Variants in ELAVL4 observed in about 807,000 individuals in gnomAD.
The protein encoded by ELAVL4 is ELAV-like protein 4.
In ELAVL4, 1 loss-of-function variant was observed where a neutral mutation model predicts 35.6. That is an observed-to-expected ratio of 0.03 (90% CI 0.01 to 0.13). ELAVL4 has a LOEUF of 0.13. ELAVL4 is among the 10% of genes least tolerant of loss of function. The pLI, the probability that ELAVL4 is intolerant of heterozygous loss-of-function variation, is 1.00. For synonymous variants in ELAVL4, 156 were observed against 171.0 expected (o/e 0.91, Z 0.69); for missense variants, 267 against 464.9 (o/e 0.57, Z 3.91).
chr1:50,158,177 A>G (rs1676083496), intron 2 of ELAVL4, among the ~76,000 whole-genome samples: 2 of 152,220 alleles, frequency 1.3e-5, no homozygotes, highest in Non-Finnish European at 2.9e-5. Context: ...GGCATATAGT[A>G]ATATAATTCT....
chr1:50,181,045 C>T (rs548264982), intron 3 of ELAVL4: 1 of 152,220 alleles, frequency 6.6e-6, no homozygotes, highest in East Asian at 1.9e-4. Context: ...CTCCTTTATA[C>T]AGGTGAGGAA....
chr1:50,131,613 A>C (rs370827851), intron 1 of ELAVL4, among the ~76,000 whole-genome samples: 9 of 151,898 alleles, frequency 5.9e-5, no homozygotes, highest in African/African-American at 1.7e-4. Context: ...CATGGTGAAA[A>C]CCTGTCTCTA....
At chr1:50,190,568 T>C (rs1440320474) in intron 3 of ELAVL4, among the ~76,000 whole-genome samples, 1 of 152,224 alleles carries the variant, frequency 6.6e-6, no homozygotes, top group Non-Finnish European at 1.5e-5. Flanking sequence ...TAGAGAATGA[T>C]TGATGTGCTG....
At chr1:50,200,516 C>T (rs543932243) in intron 6 of ELAVL4, among the ~76,000 whole-genome samples, 31 of 133,406 alleles carry the variant, frequency 2.3e-4, no homozygotes, top group African/African-American at 6.9e-4. Flanking sequence ...GGGGTGGAGT[C>T]GGGGTGGGGT....
intron 1 of ELAVL4, among the ~76,000 whole-genome samples, chr1:50,088,893 G>C (rs1467491576): frequency 6.8e-6 from 1 of 147,632 alleles, no homozygotes; most frequent in Non-Finnish European, 1.5e-5. Flanking sequence ...GACTGCCAGG[G>C]TGTTTCAGAT....
intron 3 of ELAVL4, among the ~76,000 whole-genome samples, chr1:50,185,400 T>A (rs1447182643): frequency 2.0e-5 from 3 of 152,256 alleles, no homozygotes; most frequent in African/African-American, 4.8e-5. Context: ...CAAATTATAG[T>A]GTGATCTTTC....
intron 1 of ELAVL4, among the ~76,000 whole-genome samples, chr1:50,133,058 G>A (rs1004932831): frequency 6.6e-6 from 1 of 152,058 alleles, no homozygotes; most frequent in Non-Finnish European, 1.5e-5. Context: ...GCAGAATACT[G>A]TATCAAAAAA....
intron 5 of ELAVL4, 53 bp from the exon 6 acceptor site, chr1:50,197,376 G>A: frequency 6.5e-7 from 1 of 1,530,256 alleles, no homozygotes. Context: ...GTTCCATTGA[G>A]CGATCTTGCC....
intron 2 of ELAVL4, among the ~76,000 whole-genome samples, chr1:50,162,546 TAA>T: frequency 6.6e-6 from 1 of 152,314 alleles, no homozygotes; most frequent in Middle Eastern, 3.4e-3. Context: ...AAGGTAATTT[TAA>T]ATACTTTGGG....
chr1:50,125,500 C>G (rs1669752900), intron 1 of ELAVL4, among the ~76,000 whole-genome samples: 3 of 151,928 alleles, frequency 2.0e-5, no homozygotes, highest in Admixed American at 2.0e-4. Context: ...CTTGCCTGAC[C>G]TGCATGTGGT....
rs143885511 is a variant in ELAVL4, at chr1:50,159,482, G to C, written c.250+14285G>C. 3.2e-3 allele frequency among the ~76,000 whole-genome samples: 494 copies of C among 152,178 alleles called. 6 individuals are homozygous for C. The highest frequency in any genetic ancestry group is 0.011 in the African/African-American group (472 of 41,526). ...AAATTAGCTGGGCTTTGTGGTGGGT[G>C]CCTGTAATACCAGCTACTTGGGGGA... On this transcript the variant is annotated intron_variant, in intron 2 of 6. Coordinates refer to ENST00000371824, the MANE Select transcript of ELAVL4 (RefSeq NM_001144774.3).
At chr1:50,197,572 T>C (rs1196213194) in intron 6 of ELAVL4, 105 bp downstream of exon 6, 1 of 1,012,352 alleles carries the variant, frequency 9.9e-7, no homozygotes. Context: ...AAAAAATTCT[T>C]CCTTTTTCTT....
intron 2 of ELAVL4, among the ~76,000 whole-genome samples, chr1:50,169,395 A>T (rs970361151): frequency 1.3e-5 from 2 of 152,118 alleles, no homozygotes; most frequent in Non-Finnish European, 2.9e-5. Context: ...ATACCTATTT[A>T]AAAACCATCA....
rs554184118 is a variant in ELAVL4, at chr1:50,147,589, GGT to G, written c.250+2393_250+2394del. ...TCACAATGCAGGCTGGAAGAGGTGA[GGT>G]ATATCACACCAGGCAAGTGGAGAGG... On this transcript the variant is annotated intron_variant, in intron 2 of 6. Coordinates refer to ENST00000371824, the MANE Select transcript of ELAVL4 (RefSeq NM_001144774.3). 2.4e-4 allele frequency among the ~76,000 whole-genome samples: 37 copies of G among 152,246 alleles called. 1 individual carries two copies. The South Asian group carries it at 7.5e-3, about 31-fold the overall frequency.
At chr1:50,183,132 A>G (rs1681309288) in intron 3 of ELAVL4, among the ~76,000 whole-genome samples, 1 of 152,202 alleles carries the variant, frequency 6.6e-6, no homozygotes, top group Non-Finnish European at 1.5e-5. Context: ...TGCTGGGATT[A>G]CGGGTGTGAG....
Position 50,202,895 on chromosome 1 carries a change from CTTTAT to C in ELAVL4, c.*1722_*1726del, listed in dbSNP as rs1203633550. On this transcript the variant is annotated 3_prime_UTR_variant, in exon 7 of 7. Transcript: ENST00000371824. ...AGTAGAAAAATAAAAACAACTGAGT[CTTTAT>C]TTTAATGTAACTCAGATTGGGGAAA... 2.0e-5 allele frequency: 3 copies of C among 152,060 alleles called. No homozygotes were observed. Among genetic ancestry groups the C allele is most frequent in the Admixed American group, 2.0e-4 (3 of 15,262 alleles). 9.4% of individuals were successfully genotyped at this position (152,060 alleles called of 1,614,324 possible).
At chr1:50,081,501 C>T (rs1665003953) in intron 1 of ELAVL4, among the ~76,000 whole-genome samples, 1 of 152,198 alleles carries the variant, frequency 6.6e-6, no homozygotes, top group African/African-American at 2.4e-5. Flanking sequence ...GATTTCTGAG[C>T]CATTCATCCA....
rs77927751 is a variant in ELAVL4 at position 50,072,425 on chromosome 1, G to A, written c.18+24243G>A. 2.8e-3 allele frequency among the ~76,000 whole-genome samples: 433 copies of A among 152,282 alleles called. 1 individual carries two copies. Among genetic ancestry groups the A allele is most frequent in the South Asian group, 5.0e-3 (24 of 4,820 alleles). Reference sequence around the variant, plus strand: ...TATTCCTTCTCCAGCAGAGACATGAGCATGCTTTGTCCACACAGCCCCGCT... The same window carrying A: ...TATTCCTTCTCCAGCAGAGACATGAACATGCTTTGTCCACACAGCCCCGCT... On this transcript the variant is annotated intron_variant, in intron 1 of 6. Coordinates refer to the ELAVL4 transcript ENST00000448907.
At chr1:50,123,709 T>C (rs557055311) in intron 1 of ELAVL4, among the ~76,000 whole-genome samples, 1 of 152,204 alleles carries the variant, frequency 6.6e-6, no homozygotes, top group South Asian at 2.1e-4. Context: ...CTTTGCCTTC[T>C]GTTCATGCTC....
Sources: gnomAD v4.1 joint callset for allele counts (sites outside exome capture counted in the v4.1 genomes callset) on GRCh38, gnomAD v4.1.1 for gene constraint, MANE v1.5 for transcripts, NCBI Gene and HGNC (gene_info 2026-07-23, HGNC 2026-07-21) for gene names.